The following CYFIP1 variants were observed in gnomAD, a reference collection of about 807,000 sequenced individuals.
CYFIP1 encodes cytoplasmic FMR1 interacting protein 1.
Under a neutral mutation model 163.5 loss-of-function variants are expected in CYFIP1, and 58 were observed. The ratio of observed to expected loss-of-function variants is 0.35; its 90% CI spans 0.29 to 0.44. The LOEUF is 0.44. Among genes scored for constraint, CYFIP1 ranks in the 20% least tolerant of loss-of-function variants. The pLI is 1.00. For missense variants in CYFIP1, 1,338 were observed against 1,653.8 expected (o/e 0.81, Z 3.31); for synonymous variants, 663 against 660.7 (o/e 1.00, Z -0.05).
intron 15 of CYFIP1, chr15:22,916,889 G>A (rs1218326294): frequency 2.6e-6 from 4 of 1,551,834 alleles, no homozygotes; most frequent in Non-Finnish European, 3.5e-6. Context: ...TACCACCAAA[G>A]GTTAAAAGGG....
rs2062015759 is a variant in CYFIP1 at position 22,945,107 on chromosome 15, G to C, written c.208-168C>G. On this transcript the variant is annotated intron_variant, in intron 3 of 30. Transcript: ENST00000617928. ...AGTGACACTGAGGTGCGGCGCTGGG[G>C]GCCACAATGACCACCCAAAACACCC... Among the ~76,000 whole-genome samples, 3 of 152,156 alleles carry C rather than the reference G, an allele frequency of 2.0e-5. No individual in the cohort carries two copies. The South Asian group carries it at 6.2e-4, about 32-fold the overall frequency.
In CYFIP1 at chr15:22,947,041, C is replaced by A. The variant is rs775380391; in HGVS notation, c.169G>T (p.Ala57Ser). 2 of 1,614,062 alleles carry A rather than the reference C, an allele frequency of 1.2e-6. No homozygotes were observed. The highest frequency in any genetic ancestry group is 1.7e-6 in the Non-Finnish European group (2 of 1,179,974). ...ACGGTGGCTTGTTCAATGTATCTTG[C>A]GATGCCAGTAACAAATGCATTTCTG... ...EDRNAFVTGI[A>S]RYIEQATVHS... The change falls in exon 3 of 31, where the codon GCA becomes TCA. Residue 57 changes from alanine (A) to serine (S), a missense_variant. Ala to Ser is a moderately conservative substitution (Grantham distance 99). Coordinates refer to ENST00000617928, the MANE Select transcript of CYFIP1 (RefSeq NM_014608.6).
At position 22,917,597 on chromosome 15, in the gene CYFIP1, C is replaced by T; in HGVS notation, c.1674+191G>A. 1.5e-6 allele frequency: 1 copy of T among 674,876 alleles called. No homozygotes were observed. Among genetic ancestry groups the T allele is most frequent in the Non-Finnish European group, 2.4e-6 (1 of 421,280 alleles). The allele number at this position is 674,876 out of a possible 1,614,324, so 41.8% of individuals were successfully genotyped here. Reference sequence around the variant, plus strand: ...CACATGACACATCTGACAATCAAGGCACGTCTCCTCACGCTCCCAACTCAC... The same window carrying T: ...CACATGACACATCTGACAATCAAGGTACGTCTCCTCACGCTCCCAACTCAC... On this transcript the variant is annotated intron_variant, in intron 15 of 30. Transcript: ENST00000617928. This position sits in a 1 kb window ranked among gnomAD's most constrained non-coding sequence, Gnocchi z 4.2.
chr15:22,964,721 T>C (rs2062843349), intron 1 of CYFIP1, among the ~76,000 whole-genome samples: 1 of 152,188 alleles, frequency 6.6e-6, no homozygotes, highest in African/African-American at 2.4e-5. Context: ...TCTGAGCTCA[T>C]TCAACCCCTT....
chr15:22,978,287 G>C lies in CYFIP1; in HGVS notation c.-7+2000C>G, dbSNP rs189509994. ...GAACCACCTGAACCCAGGAGGCATA[G>C]GTTGTGGCGAGCCGAGTTTGCGTCA... is the stretch of plus-strand genomic sequence containing the variant. On this transcript the variant is annotated intron_variant, in intron 1 of 30. Coordinates refer to ENST00000617928, the MANE Select transcript of CYFIP1 (RefSeq NM_014608.6). Among the ~76,000 whole-genome samples, 758 of 142,664 alleles carry C rather than the reference G, an allele frequency of 5.3e-3. 5 individuals carry two copies. Among genetic ancestry groups the C allele is most frequent in the African/African-American group, 0.019 (727 of 38,732 alleles). 93.6% of individuals were successfully genotyped at this position (142,664 alleles called of 152,430 possible).
Position 22,909,235 on chromosome 15 carries a change from C to T in CYFIP1, c.2347G>A (p.Ala783Thr), listed in dbSNP as rs777496075. 11 of 1,614,178 alleles carry T rather than the reference C, an allele frequency of 6.8e-6. No individual in the cohort carries two copies. Among genetic ancestry groups the T allele is most frequent in the South Asian group, 1.1e-5 (1 of 91,086 alleles). ...TCTTCACTTTCAAATCGTCCAATCG[C>T]CAGTTCTAGGGACTTATACATGGCT... Reference protein sequence around the residue: ...SAAMYKSLELAIGRFESEDLT... With the variant: ...SAAMYKSLELTIGRFESEDLT... Residue 783 changes from alanine to threonine, a missense_variant, in exon 21 of 31, where the codon GCG becomes ACG. By Grantham distance (58) the Ala-to-Thr change is moderately conservative. Coordinates refer to ENST00000617928, the MANE Select transcript of CYFIP1 (RefSeq NM_014608.6).
chr15:22,967,572 C>T (rs999618517), intron 1 of CYFIP1, among the ~76,000 whole-genome samples: 1 of 152,054 alleles, frequency 6.6e-6, no homozygotes, highest in East Asian at 1.9e-4. Flanking sequence ...CCACAGCCCG[C>T]AGCTACAACA....
chr15:22,875,260 T>C lies in CYFIP1; in HGVS notation c.3054A>G (p.Glu1018=), dbSNP rs746463655. The C allele has an allele frequency of 3.7e-6, 6 of 1,614,046 alleles. No homozygotes were observed. The highest frequency in any genetic ancestry group is 5.1e-6 in the Non-Finnish European group (6 of 1,179,942). Reference sequence around the variant, plus strand: ...GAGCCGCGTGCAGCAGGTCACACACTTCTTCTAAAGACTAGAGCAGAGAAA... The same window carrying C: ...GAGCCGCGTGCAGCAGGTCACACACCTCTTCTAAAGACTAGAGCAGAGAAA... ...LLIEQSLSLE[E]VCDLLHAAPF... The change falls in exon 27 of 31, where the codon GAA becomes GAG. Residue 1018 remains glutamate, a synonymous_variant. Coordinates refer to ENST00000617928, the MANE Select transcript of CYFIP1 (RefSeq NM_014608.6).
intron 23 of CYFIP1, among the ~76,000 whole-genome samples, chr15:22,886,440 CAAAT>C (rs1235895024): frequency 2.6e-5 from 4 of 152,114 alleles, no homozygotes; most frequent in African/African-American, 9.7e-5. Flanking sequence ...ATAATCAAAT[CAAAT>C]AAATCACTTC....
At position 22,892,943 on chromosome 15, in the gene CYFIP1, A is replaced by C; in HGVS notation, c.2623T>G (p.Phe875Val). Residue 875 changes from phenylalanine to valine, a missense_variant, in exon 23 of 31, where the codon TTT becomes GTT. Physicochemically the swap from Phe to Val is conservative, Grantham distance 50. Around this residue, in one of 4 missense-constraint regions of CYFIP1, gnomAD observed 824 missense variants for 995.7 expected, o/e 0.83. Transcript: ENST00000617928. ...GCATTAGGCTGCTTATCTCTTTGAA[A>C]TTCCTGAGAAAATGGTAACACTGTC... ...VRTVLPFSQEFQRDKQPNAQP... is the reference protein window; with the variant it reads ...VRTVLPFSQEVQRDKQPNAQP... 6.2e-7 allele frequency: 1 copy of C among 1,613,806 alleles called. No individual in the cohort carries two copies. The highest frequency in any genetic ancestry group is 8.5e-7 in the Non-Finnish European group (1 of 1,179,774).
At chr15:22,939,553 C>T (rs1187555616) in intron 6 of CYFIP1, 46 bp from the exon 7 acceptor site, 3 of 424,322 alleles carry the variant, frequency 7.1e-6, no homozygotes, top group Non-Finnish European at 1.1e-5. Flanking sequence ...CAACGTGCCA[C>T]ATTTAAAAAA....
At chr15:22,896,956 C>T (rs2060256154) in intron 22 of CYFIP1, among the ~76,000 whole-genome samples, 1 of 152,080 alleles carries the variant, frequency 6.6e-6, no homozygotes, top group African/African-American at 2.4e-5. Flanking sequence ...GCTGTAATCC[C>T]AGCACTTTGG....
chr15:22,911,965 A>G (rs1217581475), intron 18 of CYFIP1, among the ~76,000 whole-genome samples: 1 of 152,222 alleles, frequency 6.6e-6, no homozygotes, highest in Non-Finnish European at 1.5e-5. Context: ...AGATGAGGAC[A>G]CAGACACCGC....
In CYFIP1 at chr15:22,947,307, AG is replaced by A; in HGVS notation, c.-6-17del. 1 of 1,611,940 alleles carries A rather than the reference AG, an allele frequency of 6.2e-7. No homozygotes were observed. ...CCATCCTGGGCTGGAACAACACATAAGGACCCCTGTTCTGTGAGGAGAAGGA... is the reference window on the plus strand; with the variant it reads ...CCATCCTGGGCTGGAACAACACATAAGACCCCTGTTCTGTGAGGAGAAGGA... On this transcript the variant is annotated splice_polypyrimidine_tract_variant and intron_variant, in intron 1 of 30. Transcript: ENST00000617928.
At chr15:22,894,278 CTTTTTTTTTTTTTTT>C (rs57603773) in intron 22 of CYFIP1, among the ~76,000 whole-genome samples, 1 of 65,456 alleles carries the variant, frequency 1.5e-5, no homozygotes, top group African/African-American at 6.1e-5. Context: ...GCAGACTTTT[CTTTTTTTTTTTTTTT>C]TTTTTTTTTT....
At chr15:22,871,775 G>C (rs946444948) in intron 30 of CYFIP1, among the ~76,000 whole-genome samples, 3 of 152,156 alleles carry the variant, frequency 2.0e-5, no homozygotes, top group Non-Finnish European at 4.4e-5. Context: ...TGAGAAGGAA[G>C]GGGGACCCAG....
chr15:22,923,942 C>CAAAAAAAAAAAAAAAAAA (rs916058496), intron 13 of CYFIP1, among the ~76,000 whole-genome samples: 1 of 61,798 alleles, frequency 1.6e-5, no homozygotes, highest in Non-Finnish European at 2.8e-5. Context: ...ACCTTGTCTC[C>CAAAAAAAAAAAAAAAAAA]AAAAAAAAAA....
chr15:22,872,018 G>A (rs1294880879), intron 30 of CYFIP1, among the ~76,000 whole-genome samples: 1 of 152,140 alleles, frequency 6.6e-6, no homozygotes, highest in Non-Finnish European at 1.5e-5. Flanking sequence ...CAACAGGGCT[G>A]GGCGCGCCTG....
At chr15:22,934,000 A>G in intron 9 of CYFIP1, 107 bp from the exon 10 acceptor site, 2 of 701,464 alleles carry the variant, frequency 2.9e-6, no homozygotes, top group South Asian at 4.4e-5. Flanking sequence ...CTTGAATGCT[A>G]CCTCTGCAAA....
Sources: gnomAD v4.1 joint callset for allele counts (sites outside exome capture counted in the v4.1 genomes callset) on GRCh38, gnomAD v4.1.1 for gene constraint, gnomAD v4.1.1 regional missense constraint, Gnocchi (gnomAD v3.1) non-coding constraint, MANE v1.5 for transcripts, NCBI Gene and HGNC (gene_info 2026-07-23, HGNC 2026-07-21) for gene names.